OXCT1: variants seen among roughly 807,000 people sequenced by gnomAD.
OXCT1 encodes the protein succinyl-CoA:3-ketoacid coenzyme A transferase 1, mitochondrial.
Under a neutral mutation model 69.6 loss-of-function variants are expected in OXCT1, and 27 were observed. That is an observed-to-expected ratio of 0.39 (90% CI 0.29 to 0.54). OXCT1 has a LOEUF of 0.54. OXCT1 is among the 20% of genes least tolerant of loss of function. The pLI is 0.72. For missense variants in OXCT1, 437 were observed against 650.2 expected (o/e 0.67, Z 3.57); for synonymous variants, 202 against 217.8 (o/e 0.93, Z 0.64).
intron 13 of OXCT1, among the ~76,000 whole-genome samples, chr5:41,764,107 G>A (rs1301194660): frequency 3.9e-5 from 6 of 152,112 alleles, no homozygotes; most frequent in Admixed American, 3.9e-4. Flanking sequence ...CTGGCTTGAT[G>A]TCTCATTTCC....
chr5:41,741,400 A>G (rs559644029), intron 15 of OXCT1, among the ~76,000 whole-genome samples: 1 of 152,314 alleles, frequency 6.6e-6, no homozygotes, highest in Admixed American at 6.5e-5. Flanking sequence ...TCTGCTGCAC[A>G]ACTGTTATGC....
At chr5:41,861,428 C>T (rs749604384) in intron 2 of OXCT1, 24 bp from the exon 3 acceptor site, 14 of 1,377,344 alleles carry the variant, frequency 1.0e-5, no homozygotes, top group Admixed American at 3.3e-5. Context: ...AAAAAATAAA[C>T]AATTTGTAAA....
At chr5:41,838,130 T>C (rs9292828) in intron 7 of OXCT1, among the ~76,000 whole-genome samples, 19,902 of 152,116 alleles carry the variant, frequency 0.13, 2,558 homozygotes, top group African/African-American at 0.34. Flanking sequence ...GAAAGCAAGA[T>C]AGGGCTTGAA....
chr5:41,831,992 T>C (rs895748697), intron 7 of OXCT1, among the ~76,000 whole-genome samples: 6 of 152,180 alleles, frequency 3.9e-5, no homozygotes, highest in Non-Finnish European at 5.9e-5. Context: ...TGGAGCAAGA[T>C]GGTGGAATTG....
chr5:41,840,219 T>C (rs533318349), intron 7 of OXCT1, among the ~76,000 whole-genome samples: 1 of 152,308 alleles, frequency 6.6e-6, no homozygotes, highest in South Asian at 2.1e-4. Flanking sequence ...GCTGGTCCCA[T>C]TGCTTGATTC....
intron 13 of OXCT1, among the ~76,000 whole-genome samples, chr5:41,777,544 C>A (rs964531548): frequency 6.6e-6 from 1 of 152,186 alleles, no homozygotes; most frequent in African/African-American, 2.4e-5. Context: ...ATAAAAGATG[C>A]TTCCTATTTT....
At chr5:41,784,883 G>A (rs926922476) in intron 13 of OXCT1, among the ~76,000 whole-genome samples, 9 of 152,090 alleles carry the variant, frequency 5.9e-5, no homozygotes, top group African/African-American at 9.7e-5. Context: ...TCAAGTAAGA[G>A]AAATTTTCCT....
chr5:41,803,218 T>C (rs928212877), intron 9 of OXCT1, 55 bp from the exon 10 acceptor site: 29 of 1,159,058 alleles, frequency 2.5e-5, no homozygotes, highest in Admixed American at 3.4e-5. Flanking sequence ...AGTTATACCA[T>C]AAATCTTCTA....
chr5:41,751,302 A>G (rs1743774884), intron 14 of OXCT1, among the ~76,000 whole-genome samples: 1 of 152,074 alleles, frequency 6.6e-6, no homozygotes, highest in Non-Finnish European at 1.5e-5. Flanking sequence ...CTTAGTTCTC[A>G]TTATTTGAGC....
At chr5:41,831,903 C>G (rs1748115323) in intron 7 of OXCT1, among the ~76,000 whole-genome samples, 1 of 152,218 alleles carries the variant, frequency 6.6e-6, no homozygotes, top group Admixed American at 6.5e-5. Context: ...AGAAACACTA[C>G]ATGTCTGCTT....
chr5:41,847,102 C>G (rs34386184), intron 5 of OXCT1, among the ~76,000 whole-genome samples: 1 of 151,654 alleles, frequency 6.6e-6, no homozygotes, highest in Non-Finnish European at 1.5e-5. Flanking sequence ...GGGGATATCA[C>G]CACCGATCCC....
chr5:41,794,738 CT>C lies in OXCT1; in HGVS notation c.1110del (p.Val371LeufsTer18). 6.2e-7 allele frequency: 1 copy of C among 1,613,558 alleles called. No homozygotes were observed. The highest frequency in any genetic ancestry group is 8.5e-7 in the Non-Finnish European group (1 of 1,179,970). On this transcript the variant is annotated frameshift_variant, in exon 12 of 17. Coordinates refer to ENST00000196371, the MANE Select transcript of OXCT1 (RefSeq NM_000436.4). LOFTEE classifies it high-confidence loss of function. Reference protein sequence around the residue: ...DADLINAGKETVTILPGASFF... With the variant: ...DADLINAGKEXVTILPGASFF... Reference sequence around the variant, plus strand: ...AAAGAGGCTCCTGGAAGAATAGTAACTGTTTCCTTGCCTAAACACACACACA... The same window carrying C: ...AAAGAGGCTCCTGGAAGAATAGTAACGTTTCCTTGCCTAAACACACACACA...
At chr5:41,801,833 G>A (rs1746437966) in intron 10 of OXCT1, among the ~76,000 whole-genome samples, 1 of 151,532 alleles carries the variant, frequency 6.6e-6, no homozygotes, top group Admixed American at 6.6e-5. Context: ...ATTTAAATAG[G>A]CCAAGTAGTT....
chr5:41,820,217 T>C (rs190490835), intron 7 of OXCT1, among the ~76,000 whole-genome samples: 13 of 152,306 alleles, frequency 8.5e-5, no homozygotes, highest in African/African-American at 2.9e-4. Flanking sequence ...GTTAAAACTA[T>C]AGGGTGGCAT....
At chr5:41,736,824 C>T (rs1742906081) in intron 16 of OXCT1, among the ~76,000 whole-genome samples, 2 of 152,124 alleles carry the variant, frequency 1.3e-5, no homozygotes. Flanking sequence ...AGGCTGAGTT[C>T]TAGGGACTTT....
At chr5:41,808,713 A>G (rs1262681860) in intron 7 of OXCT1, among the ~76,000 whole-genome samples, 6 of 152,060 alleles carry the variant, frequency 3.9e-5, no homozygotes, top group East Asian at 1.9e-4. Context: ...ACTGCACTCT[A>G]TGTCCTCCCC....
At chr5:41,796,838 G>A (rs996159269) in intron 11 of OXCT1, among the ~76,000 whole-genome samples, 21 of 152,194 alleles carry the variant, frequency 1.4e-4, no homozygotes, top group African/African-American at 3.4e-4. Context: ...CTTTATAAAC[G>A]TCACCTTTTA....
chr5:41,750,173 TA>T (rs1743710573), intron 14 of OXCT1, among the ~76,000 whole-genome samples: 1 of 146,924 alleles, frequency 6.8e-6, no homozygotes, highest in Non-Finnish European at 1.5e-5. Flanking sequence ...CATTTTCTTC[TA>T]GGTTTCTACA....
chr5:41,740,095 G>A (rs1252444724), intron 15 of OXCT1, among the ~76,000 whole-genome samples: 1 of 152,076 alleles, frequency 6.6e-6, no homozygotes, highest in Non-Finnish European at 1.5e-5. Flanking sequence ...CTTTTGTTAA[G>A]TCTAACACTT....
Sources: allele counts gnomAD v4.1 joint callset (sites outside exome capture counted in the v4.1 genomes callset), GRCh38; gene constraint gnomAD v4.1.1; transcripts MANE v1.5; gene names NCBI Gene and HGNC (gene_info 2026-07-23, HGNC 2026-07-21).